C1QTNF3: variants seen among roughly 807,000 people sequenced by gnomAD.
C1QTNF3 encodes the protein C1q and TNF related 3, also known as complement C1q tumor necrosis factor-related protein 3.
C1QTNF3 carries 26 observed loss-of-function variants against 32.6 expected under a neutral mutation model. That is an observed-to-expected ratio of 0.80 (90% confidence interval 0.58 to 1.11). The LOEUF is 1.11. C1QTNF3 is among the 50% of genes least tolerant of loss of function. C1QTNF3 has a pLI of 0.00. For synonymous variants in C1QTNF3, 155 were observed against 146.0 expected (o/e 1.06, Z -0.44); for missense variants, 362 against 398.2 (o/e 0.91, Z 0.77).
the C1QTNF3 span, among the ~76,000 whole-genome samples, chr5:34,212,827 C>T: frequency 2.0e-5 from 3 of 149,740 alleles, no homozygotes; most frequent in African/African-American, 7.4e-5. Context: ...CTAGTTCAAC[C>T]ATTGTGGAAG....
chr5:34,022,507 G>A (rs1172492296), intron 5 of C1QTNF3, among the ~76,000 whole-genome samples: 1 of 152,200 alleles, frequency 6.6e-6, no homozygotes, highest in Non-Finnish European at 1.5e-5. Flanking sequence ...TGAGCTGGAT[G>A]CATTATTTGT....
chr5:34,082,040 A>T, the C1QTNF3 span, among the ~76,000 whole-genome samples: 2 of 151,744 alleles, frequency 1.3e-5, no homozygotes, highest in Non-Finnish European at 2.9e-5. Context: ...AATTTGAGCA[A>T]CCTTGACCTT....
At chr5:34,053,896 C>A in the C1QTNF3 span, among the ~76,000 whole-genome samples, 1 of 152,234 alleles carries the variant, frequency 6.6e-6, no homozygotes, top group African/African-American at 2.4e-5. Context: ...TAATTATGTA[C>A]TGAAAAGAGA....
the C1QTNF3 span, among the ~76,000 whole-genome samples, chr5:34,213,820 TTTGTGTG>T: frequency 9.5e-3 from 102 of 10,782 alleles, 11 homozygotes; most frequent in East Asian, 0.3. Flanking sequence ...TTTTTTTTTT[TTTGTGTG>T]TGTGATGGAG....
chr5:34,125,359 T>A, the C1QTNF3 span, among the ~76,000 whole-genome samples: 1 of 151,916 alleles, frequency 6.6e-6, no homozygotes, highest in Admixed American at 6.6e-5. Context: ...GTAACTTCTA[T>A]TTTTTAGTAT....
At chr5:34,164,382 G>C in the C1QTNF3 span, among the ~76,000 whole-genome samples, 2 of 152,042 alleles carry the variant, frequency 1.3e-5, no homozygotes, top group African/African-American at 2.4e-5. Flanking sequence ...TCAGCTCCTG[G>C]AGAAGATGAT....
At chr5:34,041,133 G>A (rs1160868271) in intron 1 of C1QTNF3, among the ~76,000 whole-genome samples, 1 of 152,122 alleles carries the variant, frequency 6.6e-6, no homozygotes, top group East Asian at 1.9e-4. Flanking sequence ...ATTGAATTAC[G>A]ATCAAAGAAG....
the C1QTNF3 span, among the ~76,000 whole-genome samples, chr5:34,197,449 G>C: frequency 6.6e-6 from 1 of 152,170 alleles, no homozygotes; most frequent in South Asian, 2.1e-4. Flanking sequence ...AATTAGTGGA[G>C]TTTTTACGGT....
chr5:34,234,128 G>A, the C1QTNF3 span, among the ~76,000 whole-genome samples: 1 of 152,040 alleles, frequency 6.6e-6, no homozygotes, highest in East Asian at 1.9e-4. Context: ...TCAGAATGTA[G>A]TCAAAATCAA....
At chr5:34,074,839 GAAATA>G in the C1QTNF3 span, among the ~76,000 whole-genome samples, 119 of 151,304 alleles carry the variant, frequency 7.9e-4, no homozygotes, top group Admixed American at 3.0e-3. Context: ...AAGAGAGAGA[GAAATA>G]AAATAAAATA....
intron 4 of C1QTNF3, among the ~76,000 whole-genome samples, chr5:34,025,787 G>A (rs911898149): frequency 6.6e-6 from 1 of 152,166 alleles, no homozygotes; most frequent in Non-Finnish European, 1.5e-5. Context: ...ATGTGGACTA[G>A]GTATTTCTAG....
the C1QTNF3 span, among the ~76,000 whole-genome samples, chr5:34,162,609 T>TA: frequency 6.6e-6 from 1 of 152,194 alleles, no homozygotes; most frequent in South Asian, 2.1e-4. Flanking sequence ...CTATTGTTTT[T>TA]ATATGCAAGT....
At chr5:34,104,889 A>G in the C1QTNF3 span, among the ~76,000 whole-genome samples, 1 of 151,964 alleles carries the variant, frequency 6.6e-6, no homozygotes, top group Non-Finnish European at 1.5e-5. Context: ...TAAGGCTAAG[A>G]TCCACAATGG....
At chr5:34,066,219 T>C in the C1QTNF3 span, among the ~76,000 whole-genome samples, 2 of 152,182 alleles carry the variant, frequency 1.3e-5, no homozygotes, top group South Asian at 2.1e-4. Context: ...AGACTGCCTT[T>C]TGCTGGTGCC....
the C1QTNF3 span, among the ~76,000 whole-genome samples, chr5:34,184,715 CAAAAAAAAAA>C: frequency 1.5e-5 from 2 of 129,556 alleles, no homozygotes; most frequent in African/African-American, 5.6e-5. Context: ...GACTCTGTCT[CAAAAAAAAAA>C]AAAAAAAAAA....
the C1QTNF3 span, among the ~76,000 whole-genome samples, chr5:34,146,649 C>A: frequency 3.3e-5 from 5 of 152,060 alleles, no homozygotes; most frequent in African/African-American, 1.2e-4. Context: ...TAACTTTCAC[C>A]GTATACAAAG....
chr5:34,123,862 C>A, the C1QTNF3 span, among the ~76,000 whole-genome samples: 6 of 152,114 alleles, frequency 3.9e-5, no homozygotes, highest in South Asian at 1.2e-3. Flanking sequence ...TATACGTATG[C>A]GAGTGTATGT....
At chr5:34,223,291 T>G in the C1QTNF3 span, among the ~76,000 whole-genome samples, 1 of 151,264 alleles carries the variant, frequency 6.6e-6, no homozygotes, top group Non-Finnish European at 1.5e-5. Flanking sequence ...GTCCTTGTGA[T>G]AGTTGACTGA....
intron 1 of C1QTNF3, among the ~76,000 whole-genome samples, chr5:34,037,936 C>A (rs1754780686): frequency 6.6e-6 from 1 of 152,064 alleles, no homozygotes; most frequent in African/African-American, 2.4e-5. Flanking sequence ...CAGGGCTCTG[C>A]CAATGATGAA....
Sources: gnomAD v4.1 joint callset for allele counts (sites outside exome capture counted in the v4.1 genomes callset) on GRCh38, gnomAD v4.1.1 for gene constraint, MANE v1.5 for transcripts, NCBI Gene and HGNC (gene_info 2026-07-23, HGNC 2026-07-21) for gene names.